ITGBL1: variants seen among roughly 807,000 people sequenced by gnomAD.
ITGBL1 encodes integrin subunit beta like 1.
ITGBL1 carries 51 observed loss-of-function variants against 68.5 expected under a neutral mutation model. The ratio of observed to expected loss-of-function variants is 0.74; its 90% CI spans 0.59 to 0.94. The LOEUF (loss-of-function observed/expected upper bound fraction) is 0.94. ITGBL1 is among the 40% of genes least tolerant of loss of function. The pLI, the probability that ITGBL1 is intolerant of heterozygous loss-of-function variation, is 0.00. For missense variants in ITGBL1, 649 were observed against 647.4 expected (o/e 1.00, Z -0.03); for synonymous variants, 209 against 227.3 (o/e 0.92, Z 0.72).
At chr13:101,660,814 T>G (rs2033064590) in intron 7 of ITGBL1, among the ~76,000 whole-genome samples, 1 of 152,188 alleles carries the variant, frequency 6.6e-6, no homozygotes, top group Non-Finnish European at 1.5e-5. Flanking sequence ...TCTCTATTGT[T>G]ATATCTAAAA....
chr13:101,594,425 A>G (rs1191341380), intron 6 of ITGBL1, among the ~76,000 whole-genome samples: 1 of 152,202 alleles, frequency 6.6e-6, no homozygotes, highest in Non-Finnish European at 1.5e-5. Context: ...GTATATAAAA[A>G]TCAACTCAAA....
At chr13:101,710,350 G>A (rs1043983763) in intron 9 of ITGBL1, among the ~76,000 whole-genome samples, 2 of 152,140 alleles carry the variant, frequency 1.3e-5, no homozygotes, top group African/African-American at 2.4e-5. Flanking sequence ...TATCGATGAC[G>A]AAAGGGGATA....
chr13:101,494,170 C>T (rs1367448130), intron 2 of ITGBL1, among the ~76,000 whole-genome samples: 3 of 152,082 alleles, frequency 2.0e-5, no homozygotes, highest in African/African-American at 7.2e-5. Flanking sequence ...TTTAGAGGTT[C>T]CTGTTTATTT....
chr13:101,485,312 T>C (rs1266549913), intron 2 of ITGBL1, among the ~76,000 whole-genome samples: 1 of 152,182 alleles, frequency 6.6e-6, no homozygotes, highest in Non-Finnish European at 1.5e-5. Flanking sequence ...GGTAAATATA[T>C]GTGGTGCATT....
rs537362471 is a variant in ITGBL1 at position 101,549,377 on chromosome 13, G to A, written c.317-18322G>A. 2.6e-5 allele frequency among the ~76,000 whole-genome samples: 4 copies of A among 151,920 alleles called. No homozygotes were observed. In the South Asian group the frequency reaches 8.3e-4, roughly 32 times the overall value. On this transcript the variant is annotated intron_variant, in intron 2 of 10. Coordinates refer to ENST00000376180, the MANE Select transcript of ITGBL1 (RefSeq NM_004791.3). ...ATTTGATCATATGATTTAGGAGTGT[G>A]AGAAACTTTATATATGTCACAAAAC...
intron 6 of ITGBL1, among the ~76,000 whole-genome samples, chr13:101,597,863 T>C (rs1364324139): frequency 6.6e-6 from 1 of 152,110 alleles, no homozygotes; most frequent in East Asian, 1.9e-4. Context: ...AAATACTCCT[T>C]TAAGGCCCCA....
intron 4 of ITGBL1, among the ~76,000 whole-genome samples, chr13:101,578,882 C>A (rs908005758): frequency 6.6e-6 from 1 of 152,050 alleles, no homozygotes; most frequent in East Asian, 1.9e-4. Context: ...TAAATATGCA[C>A]CATTGGTTTC....
chr13:101,557,209 A>G (rs1594888850), intron 2 of ITGBL1, among the ~76,000 whole-genome samples: 2 of 152,340 alleles, frequency 1.3e-5, no homozygotes, highest in Admixed American at 1.3e-4. Context: ...AATGTTTATC[A>G]AAGATGCACA....
At chr13:101,471,380 T>C (rs780384157) in intron 2 of ITGBL1, among the ~76,000 whole-genome samples, 5 of 152,190 alleles carry the variant, frequency 3.3e-5, no homozygotes, top group Non-Finnish European at 5.9e-5. Context: ...TATATACTCC[T>C]CAAGGGCAGG....
intron 2 of ITGBL1, among the ~76,000 whole-genome samples, chr13:101,558,083 CAAAAAAAAAAAAAAA>C (rs568103738): frequency 1.7e-4 from 12 of 71,692 alleles, no homozygotes; most frequent in African/African-American, 6.1e-4. Context: ...AACTCCGTCT[CAAAAAAAAAAAAAAA>C]AAAAAAAAAA....
chr13:101,686,021 G>T (rs1306320332), intron 7 of ITGBL1, among the ~76,000 whole-genome samples: 3 of 152,104 alleles, frequency 2.0e-5, no homozygotes, highest in African/African-American at 4.8e-5. Context: ...TCACATAGCA[G>T]TATCTTGAGG....
At chr13:101,533,982 A>C (rs9518429) in intron 2 of ITGBL1, among the ~76,000 whole-genome samples, 123,972 of 152,116 alleles carry the variant, frequency 0.81, 50,716 homozygotes, top group African/African-American at 0.9. Context: ...GCCACTAAGG[A>C]AACAAAGAAG....
At chr13:101,599,188 G>A (rs2030192271) in intron 7 of ITGBL1, among the ~76,000 whole-genome samples, 3 of 151,452 alleles carry the variant, frequency 2.0e-5, no homozygotes, top group African/African-American at 4.8e-5. Context: ...GATGGCCAGT[G>A]ATGATGAGCA....
intron 2 of ITGBL1, among the ~76,000 whole-genome samples, chr13:101,480,074 C>T (rs2048595544): frequency 6.6e-6 from 1 of 151,984 alleles, no homozygotes; most frequent in South Asian, 2.1e-4. Flanking sequence ...CCTAAGTGGC[C>T]ATAAACAGAT....
chr13:101,607,512 C>T (rs1262018834), intron 7 of ITGBL1, among the ~76,000 whole-genome samples: 2 of 151,558 alleles, frequency 1.3e-5, no homozygotes, highest in African/African-American at 4.8e-5. Context: ...TCTATATGTT[C>T]TTTTATTCAA....
rs533778103 is a variant in ITGBL1, at chr13:101,542,225, G to A, written c.317-25474G>A. The stretch of plus-strand genomic sequence containing the variant: ...TAAATTTCCCTGTACACACTACTTT[G>A]AATGTGTCTCAGAGATTCTGGTAAG... On this transcript the variant is annotated intron_variant, in intron 2 of 10. Coordinates refer to ENST00000376180, the MANE Select transcript of ITGBL1 (RefSeq NM_004791.3). Among the ~76,000 whole-genome samples, 11 of 152,244 alleles carry A rather than the reference G, an allele frequency of 7.2e-5. 1 individual carries two copies. In the East Asian group the frequency reaches 1.9e-3, roughly 27 times the overall value.
intron 3 of ITGBL1, among the ~76,000 whole-genome samples, chr13:101,575,144 A>T (rs9557704): frequency 0.25 from 38,364 of 151,914 alleles, 5,585 homozygotes; most frequent in East Asian, 0.46. Flanking sequence ...TTGGATGGCT[A>T]TATGTGGAGT....
intron 8 of ITGBL1, 100 bp from the exon 9 acceptor site, chr13:101,706,656 G>A (rs113893216): frequency 0.011 from 12,858 of 1,218,278 alleles, 98 homozygotes; most frequent in Non-Finnish European, 0.013. Flanking sequence ...TGTTGGATGG[G>A]AAATGAGATC....
intron 7 of ITGBL1, among the ~76,000 whole-genome samples, chr13:101,612,385 G>C (rs1361652741): frequency 6.6e-6 from 1 of 152,142 alleles, no homozygotes; most frequent in East Asian, 1.9e-4. Flanking sequence ...TTAACCAAAG[G>C]AAGTTAAAAG....
Sources: allele counts gnomAD v4.1 joint callset (sites outside exome capture counted in the v4.1 genomes callset), GRCh38; gene constraint gnomAD v4.1.1; transcripts MANE v1.5; gene names NCBI Gene and HGNC (gene_info 2026-07-23, HGNC 2026-07-21).